The following PKNOX2 variants were observed in gnomAD, a reference collection of about 807,000 sequenced individuals.
PKNOX2 encodes PBX/knotted 1 homeobox 2, also known as homeobox protein PKNOX2.
Under a neutral mutation model 53.1 loss-of-function variants are expected in PKNOX2, and 14 were observed. The observed-to-expected ratio is 0.26, with a 90% CI of 0.17 to 0.41. The LOEUF is 0.41. Among genes scored for constraint, PKNOX2 ranks in the 10% least tolerant of loss-of-function variants. PKNOX2 has a pLI of 1.00. For missense variants in PKNOX2, 496 were observed against 602.8 expected (o/e 0.82, Z 1.85); for synonymous variants, 257 against 242.8 (o/e 1.06, Z -0.54).
At chr11:125,198,008 G>T (rs1165870495) in intron 1 of PKNOX2, among the ~76,000 whole-genome samples, 4 of 152,240 alleles carry the variant, frequency 2.6e-5, no homozygotes, top group African/African-American at 7.2e-5. Flanking sequence ...GAAGCAGCTG[G>T]GCTTTCAGGC....
chr11:125,314,819 C>T (rs968464512), intron 2 of PKNOX2, among the ~76,000 whole-genome samples: 1 of 152,144 alleles, frequency 6.6e-6, no homozygotes, highest in Non-Finnish European at 1.5e-5. Context: ...CGGGGCAGCC[C>T]TGGCTGGACA....
chr11:125,394,390 G>A (rs1954260654), intron 6 of PKNOX2, among the ~76,000 whole-genome samples: 3 of 152,216 alleles, frequency 2.0e-5, no homozygotes. Flanking sequence ...AGGAGACCTT[G>A]TGACTGAGCC....
intron 3 of PKNOX2, among the ~76,000 whole-genome samples, chr11:125,343,484 A>C (rs1950815641): frequency 6.6e-6 from 1 of 152,172 alleles, no homozygotes; most frequent in South Asian, 2.1e-4. Context: ...GAGAATCTTC[A>C]TCAAAATGCT....
chr11:125,302,288 G>A (rs1032778008), intron 2 of PKNOX2, among the ~76,000 whole-genome samples: 5 of 152,330 alleles, frequency 3.3e-5, no homozygotes, highest in African/African-American at 1.2e-4. Flanking sequence ...CTGGAGAGGT[G>A]GAGAGGACAG....
intron 3 of PKNOX2, among the ~76,000 whole-genome samples, chr11:125,341,908 G>A (rs1406473884): frequency 1.3e-5 from 2 of 152,168 alleles, no homozygotes; most frequent in Non-Finnish European, 2.9e-5. Context: ...CACAGAGCCA[G>A]TGTACCCGCC....
chr11:125,363,216 C>T (rs569445630), intron 4 of PKNOX2, among the ~76,000 whole-genome samples: 2 of 152,332 alleles, frequency 1.3e-5, no homozygotes, highest in East Asian at 1.9e-4. Context: ...CACTCACCCA[C>T]CCCAGAAATA....
chr11:125,196,040 G>C (rs1937645267), intron 1 of PKNOX2, among the ~76,000 whole-genome samples: 1 of 152,078 alleles, frequency 6.6e-6, no homozygotes, highest in East Asian at 1.9e-4. Context: ...TGGGAAGCTG[G>C]GGAACCAGCA....
At chr11:125,419,256 T>C (rs1956043541) in intron 10 of PKNOX2, among the ~76,000 whole-genome samples, 1 of 151,858 alleles carries the variant, frequency 6.6e-6, no homozygotes, top group Non-Finnish European at 1.5e-5. Context: ...AATATCCAGC[T>C]CATAGGTTGT....
chr11:125,183,189 C>T (rs1402563219), intron 1 of PKNOX2, among the ~76,000 whole-genome samples: 2 of 142,380 alleles, frequency 1.4e-5, no homozygotes, highest in African/African-American at 2.7e-5. Flanking sequence ...CTGTAGCATG[C>T]GATGAATCCT....
chr11:125,413,829 A>AG (rs902102519), intron 10 of PKNOX2, among the ~76,000 whole-genome samples: 9 of 152,080 alleles, frequency 5.9e-5, no homozygotes, highest in Non-Finnish European at 1.2e-4. Flanking sequence ...TCACTTCTGA[A>AG]GGGGGAGAAA....
intron 3 of PKNOX2, among the ~76,000 whole-genome samples, chr11:125,349,895 C>T (rs1191214660): frequency 6.6e-6 from 1 of 151,844 alleles, no homozygotes; most frequent in African/African-American, 2.4e-5. Flanking sequence ...AGGCCAGCCC[C>T]TTTAGATGAC....
At chr11:125,342,740 T>C (rs1191855294) in intron 3 of PKNOX2, among the ~76,000 whole-genome samples, 1 of 148,770 alleles carries the variant, frequency 6.7e-6, no homozygotes, top group Non-Finnish European at 1.5e-5. Context: ...TGTGAGTGTG[T>C]GCAGACGAGA....
rs536650046 is a variant in PKNOX2 at position 125,402,838 on chromosome 11, A to T, written c.588+4776A>T. Among the ~76,000 whole-genome samples, 12 of 152,268 alleles carry T rather than the reference A, an allele frequency of 7.9e-5. No homozygotes were observed. In the East Asian group the frequency reaches 2.3e-3, roughly 29 times the overall value. ...GGACCAAGTCCCAGACCCAGCCCTC[A>T]CACCTTCATGGCCAGTTTGTTCCTG... On this transcript the variant is annotated intron_variant, in intron 7 of 12. Coordinates refer to ENST00000298282, the MANE Select transcript of PKNOX2 (RefSeq NM_001382323.2).
At chr11:125,349,905 C>T (rs1951206822) in intron 3 of PKNOX2, among the ~76,000 whole-genome samples, 1 of 151,084 alleles carries the variant, frequency 6.6e-6, no homozygotes, top group Non-Finnish European at 1.5e-5. Flanking sequence ...CTTTAGATGA[C>T]AGCAGCTCCA....
rs1439102167 is a variant in PKNOX2 at position 125,431,466 on chromosome 11, A to C, written c.*74A>C. The C allele has an allele frequency of 1.2e-4, 26 of 223,268 alleles. No individual in the cohort carries two copies. Among genetic ancestry groups the C allele is most frequent in the Non-Finnish European group, 2.1e-4 (23 of 111,984 alleles). 13.8% of individuals were successfully genotyped at this position (223,268 alleles called of 1,614,324 possible). A position where few individuals can be genotyped will look rare whatever the true frequency, so the allele number is the denominator to read the frequency against. Reference sequence around the variant, plus strand: ...CGGGAGGCCTTCAGGGTGGGGGGGAAGGGGACATGGGCAGGAAGCACCGAG... The same window carrying C: ...CGGGAGGCCTTCAGGGTGGGGGGGACGGGGACATGGGCAGGAAGCACCGAG... On this transcript the variant is annotated 3_prime_UTR_variant, in exon 13 of 13. Transcript: ENST00000298282.
chr11:125,420,149 T>C (rs1309775682), intron 10 of PKNOX2, among the ~76,000 whole-genome samples: 1 of 150,768 alleles, frequency 6.6e-6, no homozygotes, highest in Non-Finnish European at 1.5e-5. Flanking sequence ...ATTGTGCCAC[T>C]GCACTCCAGC....
intron 10 of PKNOX2, among the ~76,000 whole-genome samples, chr11:125,412,948 G>A (rs1226484098): frequency 3.3e-5 from 5 of 152,190 alleles, no homozygotes; most frequent in Non-Finnish European, 7.3e-5. Flanking sequence ...AGACTTTAGT[G>A]GCAGCAGAAG....
chr11:125,404,890 G>A (rs891396960), intron 7 of PKNOX2, among the ~76,000 whole-genome samples: 3 of 152,218 alleles, frequency 2.0e-5, no homozygotes, highest in Admixed American at 6.5e-5. Flanking sequence ...AGGACGGGCC[G>A]CGGCTGTGCC....
chr11:125,199,123 G>GA (rs1313562956), intron 1 of PKNOX2, among the ~76,000 whole-genome samples: 1 of 152,124 alleles, frequency 6.6e-6, no homozygotes, highest in African/African-American at 2.4e-5. Flanking sequence ...TTCCTGGCTT[G>GA]AGCCCCCACG....
Sources: allele counts gnomAD v4.1 joint callset (sites outside exome capture counted in the v4.1 genomes callset), GRCh38; gene constraint gnomAD v4.1.1; transcripts MANE v1.5; gene names NCBI Gene and HGNC (gene_info 2026-07-23, HGNC 2026-07-21).